The following BAIAP2L1 variants were observed in gnomAD, a reference collection of about 807,000 sequenced individuals.
The protein encoded by BAIAP2L1 is BAR/IMD domain containing adaptor protein 2 like 1, also known as BAR/IMD domain-containing adapter protein 2-like 1.
A neutral mutation model predicts 66.3 loss-of-function variants in BAIAP2L1; 35 were observed. The ratio of observed to expected loss-of-function variants is 0.53; its 90% CI spans 0.40 to 0.70. The LOEUF is 0.70. Ranked by LOEUF, BAIAP2L1 falls within the 30% of genes least tolerant of loss-of-function variation. The pLI is 0.00. For missense variants in BAIAP2L1, 622 were observed against 656.9 expected, an observed-to-expected ratio of 0.95 and a Z score of 0.58; for synonymous variants, 269 against 248.7, an observed-to-expected ratio of 1.08 and a Z score of -0.77.
At chr7:98,381,831 C>T (rs1802766029) in intron 1 of BAIAP2L1, among the ~76,000 whole-genome samples, 1 of 152,012 alleles carries the variant, frequency 6.6e-6, no homozygotes, top group Admixed American at 6.6e-5. Context: ...GAAGGATGTC[C>T]TACAACTGTT....
At chr7:98,300,856 G>A (rs1562964218) in intron 12 of BAIAP2L1, among the ~76,000 whole-genome samples, 1 of 152,168 alleles carries the variant, frequency 6.6e-6, no homozygotes, top group South Asian at 2.1e-4. Context: ...CCAAGTCACC[G>A]CAACGCCCAG....
intron 3 of BAIAP2L1, among the ~76,000 whole-genome samples, chr7:98,343,109 T>C (rs761138924): frequency 2.0e-5 from 3 of 151,792 alleles, no homozygotes; most frequent in Admixed American, 2.0e-4. Context: ...AATTAAACAG[T>C]GGGAGCGGCC....
chr7:98,333,234 G>A (rs1339546010), intron 3 of BAIAP2L1, among the ~76,000 whole-genome samples: 1 of 152,078 alleles, frequency 6.6e-6, no homozygotes, highest in Non-Finnish European at 1.5e-5. Context: ...CTGATGGCAG[G>A]GACTTCTGTT....
At chr7:98,350,998 A>C (rs952470215) in intron 3 of BAIAP2L1, among the ~76,000 whole-genome samples, 6 of 152,074 alleles carry the variant, frequency 3.9e-5, no homozygotes, top group African/African-American at 1.4e-4. Flanking sequence ...CTGGAATTAC[A>C]GGCATGCGCC....
At chr7:98,313,042 G>A (rs1800928804) in intron 7 of BAIAP2L1, among the ~76,000 whole-genome samples, 1 of 152,026 alleles carries the variant, frequency 6.6e-6, no homozygotes, top group African/African-American at 2.4e-5. Context: ...CTCAGCCTCT[G>A]AGTTTATCAA....
intron 7 of BAIAP2L1, among the ~76,000 whole-genome samples, chr7:98,314,812 G>A (rs1001820577): frequency 3.9e-5 from 6 of 152,218 alleles, no homozygotes; most frequent in African/African-American, 1.4e-4. Flanking sequence ...CAGCAGCCAT[G>A]GTGAAGACAC....
At chr7:98,319,105 G>A (rs984993752) in intron 5 of BAIAP2L1, among the ~76,000 whole-genome samples, 2 of 152,142 alleles carry the variant, frequency 1.3e-5, no homozygotes, top group African/African-American at 2.4e-5. Flanking sequence ...CAGTCCTCAC[G>A]AGGACGACAG....
chr7:98,395,517 G>C (rs540740871), intron 1 of BAIAP2L1, among the ~76,000 whole-genome samples: 1 of 152,012 alleles, frequency 6.6e-6, no homozygotes, highest in African/African-American at 2.4e-5. Context: ...GGGGACTTCA[G>C]GGAGTGGCCA....
At position 98,329,610 on chromosome 7, in the gene BAIAP2L1, G is replaced by A. The variant is rs561123039; in HGVS notation, c.215-9312C>T. Among the ~76,000 whole-genome samples, 11 of 152,074 alleles carry A rather than the reference G, an allele frequency of 7.2e-5. No homozygotes were observed. In the South Asian group the frequency reaches 1.7e-3, roughly 23 times the overall value. On this transcript the variant is annotated intron_variant, in intron 3 of 13. Transcript: ENST00000005260. ...AGTTATGTTCTCTGTACGGAAGGCC[G>A]GGCCTCAAGGGAATCTGCTGTAATA...
At chr7:98,330,455 CT>C (rs2115581557) in intron 3 of BAIAP2L1, among the ~76,000 whole-genome samples, 1 of 152,040 alleles carries the variant, frequency 6.6e-6, no homozygotes, top group South Asian at 2.1e-4. Context: ...GTCAGGAGTT[CT>C]AGACCAGCTG....
Position 98,382,781 on chromosome 7 carries a change from C to A in BAIAP2L1, c.51+18021G>T, listed in dbSNP as rs1802789305. On this transcript the variant is annotated intron_variant, in intron 1 of 13. Coordinates refer to ENST00000005260, the MANE Select transcript of BAIAP2L1 (RefSeq NM_018842.5). ...TCAGATGAGGGATTGTGGAACCCTG[C>A]CCCAGAATTCAAGCAGGTTTTAAAT... Among the ~76,000 whole-genome samples, 3 of 152,094 alleles carry A rather than the reference C, an allele frequency of 2.0e-5. No individual in the cohort carries two copies. The South Asian group carries it at 6.2e-4, about 32-fold the overall frequency.
chr7:98,319,479 G>A (rs937075731), intron 5 of BAIAP2L1, among the ~76,000 whole-genome samples: 2 of 152,044 alleles, frequency 1.3e-5, no homozygotes, highest in Admixed American at 6.6e-5. Flanking sequence ...GTCCTACAGC[G>A]TGAATGTATT....
At chr7:98,390,183 G>C (rs1263476390) in intron 1 of BAIAP2L1, among the ~76,000 whole-genome samples, 1 of 151,634 alleles carries the variant, frequency 6.6e-6, no homozygotes, top group Non-Finnish European at 1.5e-5. Flanking sequence ...CCAAAGTGCT[G>C]GGATTACAGG....
chr7:98,366,944 T>G (rs1311402532), intron 1 of BAIAP2L1, among the ~76,000 whole-genome samples: 2 of 152,042 alleles, frequency 1.3e-5, no homozygotes, highest in Non-Finnish European at 2.9e-5. Context: ...CAGGCTGGCG[T>G]GCAGTGGCAT....
chr7:98,341,420 T>C (rs1324817956), intron 3 of BAIAP2L1, among the ~76,000 whole-genome samples: 2 of 152,136 alleles, frequency 1.3e-5, no homozygotes, highest in East Asian at 1.9e-4. Flanking sequence ...CAGTGGCTCA[T>C]GTCTGTAATC....
chr7:98,292,221 A>G lies in BAIAP2L1; in HGVS notation c.*1300T>C, dbSNP rs1132971. The G allele has an allele frequency of 0.4, 81,350 of 202,904 alleles. 18,125 individuals are homozygous for G. Among genetic ancestry groups the G allele is most frequent in the Middle Eastern group, 0.53 (267 of 500 alleles). 12.6% of individuals were successfully genotyped at this position (202,904 alleles called of 1,614,324 possible). ...TTATGGCAAGGCTAAAGGAGAGGGG[A>G]TAAGTCACAGCCCCAGCACCCAGCA... On this transcript the variant is annotated 3_prime_UTR_variant, in exon 14 of 14. Coordinates refer to ENST00000005260, the MANE Select transcript of BAIAP2L1 (RefSeq NM_018842.5).
At chr7:98,379,724 A>T (rs534316344) in intron 1 of BAIAP2L1, among the ~76,000 whole-genome samples, 1 of 148,688 alleles carries the variant, frequency 6.7e-6, no homozygotes, top group African/African-American at 2.6e-5. Flanking sequence ...ATTTAATAGA[A>T]TATTATTCAG....
intron 12 of BAIAP2L1, among the ~76,000 whole-genome samples, chr7:98,302,214 G>A (rs1383018819): frequency 6.6e-6 from 1 of 152,166 alleles, no homozygotes; most frequent in Non-Finnish European, 1.5e-5. Flanking sequence ...AGTAAGAATG[G>A]CGGCGACAGT....
intron 2 of BAIAP2L1, 80 bp from the exon 3 acceptor site, chr7:98,355,208 C>T: frequency 1.0e-6 from 1 of 965,926 alleles, no homozygotes; most frequent in African/African-American, 1.6e-5. Context: ...TCCAAACACC[C>T]CCTGGTCCCT....
Sources: allele counts gnomAD v4.1 joint callset (sites outside exome capture counted in the v4.1 genomes callset), GRCh38; gene constraint gnomAD v4.1.1; transcripts MANE v1.5; gene names NCBI Gene and HGNC (gene_info 2026-07-23, HGNC 2026-07-21).